Variants in TMTC4 observed in about 807,000 individuals in gnomAD.
TMTC4 encodes the protein protein O-mannosyl-transferase TMTC4.
TMTC4 carries 65 observed loss-of-function variants against 86.0 expected under a neutral mutation model. That is an observed-to-expected ratio of 0.76 (90% confidence interval 0.62 to 0.93). TMTC4 has a LOEUF of 0.93. Ranked by LOEUF, TMTC4 falls within the 40% of genes least tolerant of loss-of-function variation. TMTC4 has a pLI of 0.00. For missense variants in TMTC4, 866 were observed against 948.1 expected, an observed-to-expected ratio of 0.91 and a Z score of 1.14; for synonymous variants, 379 against 382.5, an observed-to-expected ratio of 0.99 and a Z score of 0.11.
chr13:100,675,031 C>G (rs1343757859), upstream of TMTC4: 5 of 985,542 alleles, frequency 5.1e-6, no homozygotes, highest in Non-Finnish European at 6.0e-6. Context: ...CCAGGGGGCG[C>G]TAGTCGGCGG....
In TMTC4 at chr13:100,605,133, T is replaced by C. The variant is rs1328461383; in HGVS notation, c.2144A>G (p.Tyr715Cys). The C allele has an allele frequency of 1.9e-5, 30 of 1,610,468 alleles. No homozygotes were observed. Among genetic ancestry groups the C allele is most frequent in the Non-Finnish European group, 2.4e-5 (28 of 1,178,982 alleles). Residue 715 changes from tyrosine (Y) to cysteine (C), a missense_variant, in exon 19 of 19, where the codon TAT becomes TGT. Tyr to Cys is a radical substitution (Grantham distance 194, BLOSUM62 -2). Coordinates refer to ENST00000342624, the MANE Select transcript of TMTC4 (RefSeq NM_032813.5). The surrounding 1 kb of genome is among the most constrained non-coding windows in gnomAD (Gnocchi z 4.3). ...CAAGTCTAGATGTCCCCAACGATGA[T>C]AAAGCACAGCTGAAATAGCAGGAGA... ...ASYHGNLAVL[Y>C]HRWGHLDLAK...
At chr13:100,641,326 T>C (rs1283523214) in intron 7 of TMTC4, among the ~76,000 whole-genome samples, 1 of 152,190 alleles carries the variant, frequency 6.6e-6, no homozygotes, top group Non-Finnish European at 1.5e-5. Context: ...TGGAACACTT[T>C]GGTTCCAGCG....
intron 17 of TMTC4, 57 bp downstream of exon 17, chr13:100,612,341 G>T: frequency 7.7e-7 from 1 of 1,306,524 alleles, no homozygotes; most frequent in Non-Finnish European, 1.1e-6. Flanking sequence ...TAACACTTAC[G>T]TCTTCTGTCA....
At chr13:100,674,160 C>T (rs1397320976) in intron 1 of TMTC4, 3 of 969,134 alleles carry the variant, frequency 3.1e-6, no homozygotes, top group Non-Finnish European at 3.7e-6. Flanking sequence ...AGCGGCGGCT[C>T]GGTGGCCCCG....
In TMTC4 at chr13:100,625,514, CA is replaced by C; in HGVS notation, c.1836+20del. 6.2e-7 allele frequency: 1 copy of C among 1,612,654 alleles called. No homozygotes were observed. Among genetic ancestry groups the C allele is most frequent in the South Asian group, 1.1e-5 (1 of 91,086 alleles). On this transcript the variant is annotated intron_variant, in intron 15 of 18. Transcript: ENST00000342624. ...AATAACCCATCTTTCCTTCCACAGG[CA>C]CAGGGCACCCCGCGCTTACCAGACG...
intron 7 of TMTC4, among the ~76,000 whole-genome samples, chr13:100,639,322 G>C (rs1296857370): frequency 2.0e-5 from 3 of 152,200 alleles, no homozygotes. Flanking sequence ...AAAGAATTCT[G>C]ATTTTATTCA....
intron 2 of TMTC4, 75 bp from the exon 3 acceptor site, chr13:100,668,869 A>G: frequency 7.4e-7 from 1 of 1,355,086 alleles, no homozygotes; most frequent in Non-Finnish European, 1.0e-6. Context: ...ACCGTGAGTA[A>G]GAGCTAGATA....
At chr13:100,662,036 C>T (rs562239292) in intron 5 of TMTC4, among the ~76,000 whole-genome samples, 120 of 152,132 alleles carry the variant, frequency 7.9e-4, no homozygotes, top group African/African-American at 2.8e-3. Flanking sequence ...TTCACAAATG[C>T]CTAGTGAAAT....
In TMTC4 at chr13:100,643,176, C is replaced by T. The variant is rs548632697; in HGVS notation, c.641-865G>A. Reference sequence around the variant, plus strand: ...GATACTCCTCTCCGTTGTGAAGTCCCCACTCTTCATCTAAATGAATAAGCC... The same window carrying T: ...GATACTCCTCTCCGTTGTGAAGTCCTCACTCTTCATCTAAATGAATAAGCC... On this transcript the variant is annotated intron_variant, in intron 6 of 18. Transcript: ENST00000342624. 3.3e-5 allele frequency among the ~76,000 whole-genome samples: 5 copies of T among 152,250 alleles called. No homozygotes were observed. The South Asian group carries it at 1.0e-3, about 32-fold the overall frequency.
At chr13:100,620,475 C>A (rs1361522104) in intron 15 of TMTC4, among the ~76,000 whole-genome samples, 1 of 152,124 alleles carries the variant, frequency 6.6e-6, no homozygotes, top group Non-Finnish European at 1.5e-5. Context: ...TCTGTTCCCC[C>A]AAAACATATA....
intron 9 of TMTC4, 41 bp downstream of exon 9, chr13:100,637,497 G>A: frequency 6.4e-7 from 1 of 1,573,796 alleles, no homozygotes; most frequent in Non-Finnish European, 8.7e-7. Flanking sequence ...AATCTGGTGG[G>A]GGAAGAAAAG....
intron 15 of TMTC4, among the ~76,000 whole-genome samples, chr13:100,616,737 TGTG>T (rs1878564112): frequency 6.6e-6 from 1 of 152,198 alleles, no homozygotes; most frequent in Admixed American, 6.5e-5. Context: ...GTATCTCAAT[TGTG>T]GTTTTGATTT....
chr13:100,644,074 T>C (rs1883386417), intron 6 of TMTC4, among the ~76,000 whole-genome samples: 1 of 151,660 alleles, frequency 6.6e-6, no homozygotes, highest in South Asian at 2.1e-4. Flanking sequence ...GCCAGTGCGT[T>C]CTGGCCTGGG....
intron 15 of TMTC4, among the ~76,000 whole-genome samples, chr13:100,619,109 C>T (rs933256717): frequency 4.7e-5 from 7 of 149,388 alleles, no homozygotes; most frequent in Admixed American, 2.0e-4. Flanking sequence ...GGCGGCTGGC[C>T]GGACGGGGGG....
intron 1 of TMTC4, among the ~76,000 whole-genome samples, chr13:100,671,734 C>T (rs1006102067): frequency 2.6e-5 from 4 of 152,302 alleles, no homozygotes; most frequent in African/African-American, 7.2e-5. Flanking sequence ...TTCTCTATCT[C>T]AGGGGGCTCC....
At chr13:100,616,442 C>A (rs891609249) in intron 15 of TMTC4, among the ~76,000 whole-genome samples, 1 of 152,170 alleles carries the variant, frequency 6.6e-6, no homozygotes, top group Non-Finnish European at 1.5e-5. Flanking sequence ...ACCTCGTAAT[C>A]CACCTGCCTC....
intron 1 of TMTC4, among the ~76,000 whole-genome samples, chr13:100,671,238 C>T (rs9554717): frequency 0.27 from 40,981 of 151,976 alleles, 6,230 homozygotes; most frequent in Admixed American, 0.38. Flanking sequence ...GCACAAGTAA[C>T]CCTCCTGCCT....
In TMTC4 at chr13:100,663,183, G is replaced by T; in HGVS notation, c.336-3C>A. The T allele has an allele frequency of 8.1e-6, 13 of 1,614,110 alleles. No homozygotes were observed. The highest frequency in any genetic ancestry group is 1.1e-5 in the Non-Finnish European group (13 of 1,179,966). On this transcript the variant is annotated splice_region_variant and splice_polypyrimidine_tract_variant and intron_variant, in intron 4 of 18. Coordinates refer to ENST00000342624, the MANE Select transcript of TMTC4 (RefSeq NM_032813.5). ...CTCCCGAGAGGTAGTAGTTAATCCT[G>T]CAGAAACACAGGGTGTTCAGGGTAC...
intron 6 of TMTC4, 32 bp from the exon 7 acceptor site, chr13:100,642,343 G>A (rs1005542080): frequency 6.2e-7 from 1 of 1,610,148 alleles, no homozygotes; most frequent in Admixed American, 1.7e-5. Context: ...CAGTGCAAAA[G>A]TCATGGAATG....
Sources: allele counts gnomAD v4.1 joint callset (sites outside exome capture counted in the v4.1 genomes callset), GRCh38; gene constraint gnomAD v4.1.1; non-coding constraint Gnocchi (gnomAD v3.1); transcripts MANE v1.5; gene names NCBI Gene and HGNC (gene_info 2026-07-23, HGNC 2026-07-21).